KATNIP: variants seen among roughly 807,000 people sequenced by gnomAD.
KATNIP encodes the protein katanin interacting protein, also known as katanin-interacting protein.
In KATNIP, 126 loss-of-function variants were observed where a neutral mutation model predicts 174.0. That is an observed-to-expected ratio of 0.72 (90% CI 0.63 to 0.84). The LOEUF (loss-of-function observed/expected upper bound fraction) is 0.84, where lower values mean the gene tolerates loss of function less well. Ranked by LOEUF, KATNIP falls within the 40% of genes least tolerant of loss-of-function variation. The pLI is 0.00. For missense variants in KATNIP, 1,958 were observed against 2,109.7 expected (o/e 0.93, Z 1.41); for synonymous variants, 810 against 835.7 (o/e 0.97, Z 0.53).
At position 27,572,592 on chromosome 16, in the gene KATNIP, G is replaced by A. The variant is rs1251496520; in HGVS notation, c.8-1309G>A. ...ACCAATTCCAAATTCCTGGGACTGG[G>A]ATTCTGATTGGCTGCAGTTGGGTCA... On this transcript the variant is annotated intron_variant, in intron 1 of 27. Transcript: ENST00000261588. Among the ~76,000 whole-genome samples the A allele has an allele frequency of 2.0e-5, 3 of 152,098 alleles. No homozygotes were observed. In the East Asian group the frequency reaches 5.8e-4, roughly 29 times the overall value.
At chr16:27,614,134 G>A (rs2142033180) in intron 2 of KATNIP, among the ~76,000 whole-genome samples, 1 of 151,372 alleles carries the variant, frequency 6.6e-6, no homozygotes, top group South Asian at 2.1e-4. Context: ...CTGGAGTGCA[G>A]TGGTGCTATC....
intron 12 of KATNIP, among the ~76,000 whole-genome samples, chr16:27,706,500 C>G (rs942108575): frequency 6.6e-6 from 1 of 152,160 alleles, no homozygotes; most frequent in Non-Finnish European, 1.5e-5. Context: ...TCAGCAAGAG[C>G]GGGGACAATG....
chr16:27,735,689 G>A (rs1204205580), intron 14 of KATNIP, among the ~76,000 whole-genome samples: 4 of 152,184 alleles, frequency 2.6e-5, no homozygotes, highest in Non-Finnish European at 4.4e-5. Context: ...GTGGCGTAAC[G>A]CAGGCCGGAC....
At chr16:27,633,757 GA>G (rs1422340284) in intron 5 of KATNIP, among the ~76,000 whole-genome samples, 7 of 152,222 alleles carry the variant, frequency 4.6e-5, no homozygotes, top group Non-Finnish European at 7.3e-5. Flanking sequence ...TGCTACTGAA[GA>G]AATCAAGGCC....
intron 2 of KATNIP, among the ~76,000 whole-genome samples, chr16:27,610,825 A>G (rs2075869731): frequency 6.6e-6 from 1 of 152,214 alleles, no homozygotes; most frequent in Non-Finnish European, 1.5e-5. Context: ...CTCTCTGCTC[A>G]CTGAGATAAA....
At chr16:27,717,070 C>T (rs2079983416) in intron 13 of KATNIP, among the ~76,000 whole-genome samples, 2 of 152,244 alleles carry the variant, frequency 1.3e-5, no homozygotes, top group South Asian at 2.1e-4. Context: ...TCTCGAACTC[C>T]TGACCTCGTG....
intron 18 of KATNIP, among the ~76,000 whole-genome samples, chr16:27,760,507 G>A (rs2081911077): frequency 6.6e-6 from 1 of 152,172 alleles, no homozygotes; most frequent in Non-Finnish European, 1.5e-5. Context: ...CAAAAGGATG[G>A]CGGTATCACC....
At chr16:27,723,937 A>G (rs564795398) in intron 14 of KATNIP, among the ~76,000 whole-genome samples, 8 of 152,342 alleles carry the variant, frequency 5.3e-5, no homozygotes, top group African/African-American at 1.4e-4. Flanking sequence ...TCGAGTCAGG[A>G]AACTAACAGG....
At chr16:27,613,100 A>T (rs1389998121) in intron 2 of KATNIP, among the ~76,000 whole-genome samples, 1 of 151,736 alleles carries the variant, frequency 6.6e-6, no homozygotes, top group East Asian at 1.9e-4. Context: ...CTCTACAAAA[A>T]ATACAAAAAA....
chr16:27,553,643 C>T (rs550844070), intron 1 of KATNIP, among the ~76,000 whole-genome samples: 141 of 152,146 alleles, frequency 9.3e-4, no homozygotes, highest in African/African-American at 3.3e-3. Flanking sequence ...AGTGAGACTC[C>T]ATCTCTACTA....
At chr16:27,672,935 C>T (rs1034325354) in intron 6 of KATNIP, among the ~76,000 whole-genome samples, 1 of 152,148 alleles carries the variant, frequency 6.6e-6, no homozygotes, top group Admixed American at 6.6e-5. Context: ...CCTTAGACAT[C>T]AGTTGGGACA....
chr16:27,581,086 G>A (rs116114508), intron 2 of KATNIP, among the ~76,000 whole-genome samples: 1,816 of 152,140 alleles, frequency 0.012, 49 homozygotes, highest in African/African-American at 0.041. Flanking sequence ...TATAATGTAT[G>A]TGTACAGCAA....
At chr16:27,618,538 G>C in intron 3 of KATNIP, 37 bp downstream of exon 3, 1 of 1,447,786 alleles carries the variant, frequency 6.9e-7, no homozygotes, top group Non-Finnish European at 9.7e-7. Context: ...CTTGATATTA[G>C]CGAAGTAAAA....
chr16:27,713,753 ATGTGTGTGTATATG>A (rs1567336323), intron 13 of KATNIP, among the ~76,000 whole-genome samples: 8 of 141,582 alleles, frequency 5.7e-5, no homozygotes, highest in African/African-American at 2.1e-4. Flanking sequence ...TATTATATAT[ATGTGTGTGTATATG>A]TATATATACA....
rs7185930 is a variant in KATNIP, at chr16:27,554,847, A to G, written c.7+4670A>G. ...CTCGCCCTGTCACCCAGGCTGTAGT[A>G]CAGTGGCGTGATCTTGGCTCACTGC... On this transcript the variant is annotated intron_variant, in intron 1 of 27. Coordinates refer to ENST00000261588, the MANE Select transcript of KATNIP (RefSeq NM_015202.5). 8.5e-3 allele frequency among the ~76,000 whole-genome samples: 1,155 copies of G among 135,706 alleles called. 21 individuals are homozygous for G. The highest frequency in any genetic ancestry group is 0.031 in the African/African-American group (1,094 of 35,174). The allele number at this position is 135,706 out of a possible 152,430, so 89.0% of individuals were successfully genotyped here.
At chr16:27,713,672 T>TA (rs375270458) in intron 13 of KATNIP, among the ~76,000 whole-genome samples, 447 of 4,012 alleles carry the variant, frequency 0.11, 26 homozygotes, top group Non-Finnish European at 0.35. Flanking sequence ...CACATACATA[T>TA]TATATATATG....
intron 5 of KATNIP, among the ~76,000 whole-genome samples, chr16:27,641,579 G>C (rs996100028): frequency 2.6e-5 from 4 of 152,166 alleles, no homozygotes; most frequent in Non-Finnish European, 1.5e-5. Flanking sequence ...CGAAAACAGG[G>C]TGCTTTTACC....
intron 6 of KATNIP, among the ~76,000 whole-genome samples, chr16:27,674,334 C>T (rs951958544): frequency 6.6e-5 from 10 of 152,200 alleles, no homozygotes; most frequent in African/African-American, 2.2e-4. Context: ...CAAACCTGCA[C>T]GTTGTGCACA....
chr16:27,643,039 T>C (rs1385051122), intron 5 of KATNIP, among the ~76,000 whole-genome samples: 1 of 152,236 alleles, frequency 6.6e-6, no homozygotes, highest in African/African-American at 2.4e-5. Context: ...AAATAAAGTG[T>C]TACTGGAACA....
Sources: gnomAD v4.1 joint callset for allele counts (sites outside exome capture counted in the v4.1 genomes callset) on GRCh38, gnomAD v4.1.1 for gene constraint, MANE v1.5 for transcripts, NCBI Gene and HGNC (gene_info 2026-07-23, HGNC 2026-07-21) for gene names.